Variants in GARIN1A observed in about 807,000 individuals in gnomAD.
The protein encoded by GARIN1A is golgi associated RAB2 interactor 1A.
chr7:128,699,209 C>A, the GARIN1A span, among the ~76,000 whole-genome samples: 1 of 149,718 alleles, frequency 6.7e-6, no homozygotes, highest in Non-Finnish European at 1.5e-5. Flanking sequence ...CATAAAGATT[C>A]CAATAATACA....
chr7:128,683,033 A>G, the GARIN1A span: 1 of 1,610,918 alleles, frequency 6.2e-7, no homozygotes, highest in African/African-American at 1.3e-5. Context: ...TGGCATCTCC[A>G]ATCAATTTGA....
the GARIN1A span, among the ~76,000 whole-genome samples, chr7:128,704,661 G>A: frequency 6.6e-6 from 1 of 152,108 alleles, no homozygotes; most frequent in East Asian, 1.9e-4. Flanking sequence ...TTCACAATAG[G>A]GTTCGCACGC....
the GARIN1A span, among the ~76,000 whole-genome samples, chr7:128,673,254 CTA>C: frequency 6.6e-6 from 1 of 152,146 alleles, no homozygotes; most frequent in African/African-American, 2.4e-5. Context: ...GCCAGGAAGC[CTA>C]TGAGTTTGGT....
chr7:128,692,111 C>T, the GARIN1A span, among the ~76,000 whole-genome samples: 1 of 152,202 alleles, frequency 6.6e-6, no homozygotes, highest in African/African-American at 2.4e-5. Context: ...CCCCAATAGT[C>T]TTCCAATAAA....
chr7:128,692,658 C>A, the GARIN1A span, among the ~76,000 whole-genome samples: 1 of 152,162 alleles, frequency 6.6e-6, no homozygotes, highest in Non-Finnish European at 1.5e-5. Flanking sequence ...AATGGACCCT[C>A]TTAAAAGATG....
At chr7:128,689,631 G>A in the GARIN1A span, among the ~76,000 whole-genome samples, 21 of 140,962 alleles carry the variant, frequency 1.5e-4, 1 homozygote, top group South Asian at 1.1e-3. Flanking sequence ...GAGCCCCTCC[G>A]CCCGGCAGCC....
the GARIN1A span, among the ~76,000 whole-genome samples, chr7:128,689,355 G>C: frequency 2.1e-3 from 314 of 152,066 alleles, 1 homozygote; most frequent in Admixed American, 5.2e-3. Context: ...TAGGAACTGA[G>C]GAGCATCTCT....
the GARIN1A span, among the ~76,000 whole-genome samples, chr7:128,691,958 G>T: frequency 6.6e-4 from 101 of 152,316 alleles, no homozygotes; most frequent in Non-Finnish European, 1.3e-3. Context: ...CTCCATGCAG[G>T]CGTTGTCGCA....
the GARIN1A span, chr7:128,691,427 A>G: frequency 2.0e-5 from 3 of 152,214 alleles, no homozygotes; most frequent in African/African-American, 7.2e-5. Flanking sequence ...ACAGAGGGAA[A>G]CTGTCAGAAG....
the GARIN1A span, among the ~76,000 whole-genome samples, chr7:128,675,129 T>C: frequency 0.013 from 2,053 of 152,240 alleles, 50 homozygotes; most frequent in African/African-American, 0.047. Context: ...ATCCAGTCTT[T>C]CTGTCCTGTG....
chr7:128,703,579 C>G, the GARIN1A span, among the ~76,000 whole-genome samples: 1 of 152,132 alleles, frequency 6.6e-6, no homozygotes, highest in African/African-American at 2.4e-5. Context: ...TCACTTGAGA[C>G]CAGCCTGGGC....
chr7:128,672,359 C>T, the GARIN1A span: 1 of 1,565,606 alleles, frequency 6.4e-7, no homozygotes, highest in Admixed American at 1.8e-5. Flanking sequence ...CGGCGTGGAG[C>T]CCCAGAAATG....
chr7:128,708,179 A>ATTT, the GARIN1A span, among the ~76,000 whole-genome samples: 24 of 129,602 alleles, frequency 1.9e-4, no homozygotes, highest in African/African-American at 6.7e-4. Flanking sequence ...CACCTGGACA[A>ATTT]TTTTTTTTTT....
chr7:128,708,297 G>A, the GARIN1A span, among the ~76,000 whole-genome samples: 1 of 151,864 alleles, frequency 6.6e-6, no homozygotes, highest in African/African-American at 2.4e-5. Flanking sequence ...AAAGTGTTGG[G>A]ATTATAGGTG....
chr7:128,680,012 G>T, the GARIN1A span: 1 of 1,501,452 alleles, frequency 6.7e-7, no homozygotes, highest in East Asian at 2.5e-5. Flanking sequence ...GCCATCTGAC[G>T]CTAAATTTCT....
the GARIN1A span, among the ~76,000 whole-genome samples, chr7:128,681,702 T>C: frequency 1.3e-5 from 2 of 151,840 alleles, no homozygotes; most frequent in African/African-American, 2.4e-5. Flanking sequence ...AAGGTCTTGC[T>C]ATGTTGCCCA....
the GARIN1A span, among the ~76,000 whole-genome samples, chr7:128,692,417 G>C: frequency 1.3e-5 from 2 of 152,168 alleles, no homozygotes; most frequent in Non-Finnish European, 2.9e-5. Flanking sequence ...TGATTTCTCA[G>C]AATCTATTTC....
the GARIN1A span, among the ~76,000 whole-genome samples, chr7:128,690,081 G>C: frequency 6.6e-6 from 1 of 152,212 alleles, no homozygotes; most frequent in East Asian, 1.9e-4. Flanking sequence ...CTTCTGCCTT[G>C]GGATGCTGTT....
the GARIN1A span, among the ~76,000 whole-genome samples, chr7:128,694,699 T>C: frequency 1.3e-5 from 2 of 152,300 alleles, no homozygotes; most frequent in African/African-American, 4.8e-5. Flanking sequence ...GTCCACCCAG[T>C]CCATGCATCT....
Sources: gnomAD v4.1 joint callset for allele counts (sites outside exome capture counted in the v4.1 genomes callset) on GRCh38, gnomAD v4.1.1 for gene constraint, MANE v1.5 for transcripts, NCBI Gene and HGNC (gene_info 2026-07-23, HGNC 2026-07-21) for gene names.